PCDHGB3: variants seen among roughly 807,000 people sequenced by gnomAD.
The protein encoded by PCDHGB3 is protocadherin gamma subfamily B, 3.
Under a neutral mutation model 59.2 loss-of-function variants are expected in PCDHGB3, and 40 were observed. The ratio of observed to expected loss-of-function variants is 0.68; its 90% CI spans 0.52 to 0.88. The LOEUF is 0.88. Ranked by LOEUF, PCDHGB3 falls within the 40% of genes least tolerant of loss-of-function variation. PCDHGB3 has a pLI of 0.00. For missense variants in PCDHGB3, 1,309 were observed against 1,187.9 expected, an observed-to-expected ratio of 1.10 and a Z score of -1.50; for synonymous variants, 581 against 503.6, an observed-to-expected ratio of 1.15 and a Z score of -2.06.
At chr5:141,428,184 C>A in intron 1 of PCDHGB3, 32 of 1,463,670 alleles carry the variant, frequency 2.2e-5, no homozygotes, top group Non-Finnish European at 3.0e-5. Context: ...GGAGGACAGC[C>A]GCCGCTCTCT....
chr5:141,511,304 CTTGGGAAA>C lies in PCDHGB3; in HGVS notation c.*132_*139del. ...TGGTAGGGGCCAAGGCCATGCTCCC[CTTGGGAAA>C]CAGAAACAAGTGCCCAGTCAGCACC... is the stretch of plus-strand genomic sequence containing the variant. On this transcript the variant is annotated 3_prime_UTR_variant, in exon 4 of 4. Transcript: ENST00000576222. The C allele has an allele frequency of 2.0e-6, 3 of 1,490,438 alleles. No individual in the cohort carries two copies. The South Asian group carries it at 4.0e-5, about 20-fold the overall frequency. 92.3% of individuals were successfully genotyped at this position (1,490,438 alleles called of 1,614,324 possible). A position where few individuals can be genotyped will look rare whatever the true frequency, so the allele number is the denominator to read the frequency against.
chr5:141,484,949 A>C, intron 1 of PCDHGB3: 1 of 557,400 alleles, frequency 1.8e-6, no homozygotes, highest in Non-Finnish European at 3.2e-6. Context: ...TGCTCAGCCT[A>C]TTGGCTGAGC....
intron 1 of PCDHGB3, chr5:141,423,314 T>C: frequency 6.2e-7 from 1 of 1,614,178 alleles, no homozygotes; most frequent in Non-Finnish European, 8.5e-7. Context: ...TACTTGGTGG[T>C]GGCGGTGGCC....
At chr5:141,483,207 A>G (rs1225621725) in intron 1 of PCDHGB3, among the ~76,000 whole-genome samples, 1 of 152,224 alleles carries the variant, frequency 6.6e-6, no homozygotes, top group African/African-American at 2.4e-5. Context: ...TATTCCATAT[A>G]GATGACAGTC....
At chr5:141,383,850 G>T (rs893832219) in intron 1 of PCDHGB3, 2 of 1,613,808 alleles carry the variant, frequency 1.2e-6, no homozygotes, top group African/African-American at 2.7e-5. Context: ...TCTATGAAAT[G>T]GAGGTTCAGG....
Position 141,372,600 on chromosome 5 carries a change from G to C in PCDHGB3, c.2206G>C (p.Val736Leu), listed in dbSNP as rs770114948. ...TCAGCCTGGTGTCTGCTTCAAGACT[G>C]TACCTGGAGTTCTCCCCACCTACAG... ...YFQPGVCFKT[V>L]PGVLPTYSER... The change falls in exon 1 of 4, where the codon GTA becomes CTA. Residue 736 changes from valine (V) to leucine (L), a missense_variant. By Grantham distance (32) the Val-to-Leu change is conservative (BLOSUM62 1). Coordinates refer to ENST00000576222, the MANE Select transcript of PCDHGB3 (RefSeq NM_018924.5). 15 of 1,613,886 alleles carry C rather than the reference G, an allele frequency of 9.3e-6. No homozygotes were observed. Among genetic ancestry groups the C allele is most frequent in the South Asian group, 2.2e-5 (2 of 91,088 alleles).
chr5:141,408,752 G>A (rs780102602), intron 1 of PCDHGB3: 8 of 1,610,388 alleles, frequency 5.0e-6, no homozygotes, highest in Non-Finnish European at 5.9e-6. Flanking sequence ...AATGGTTAGA[G>A]TTAATTCCGA....
At chr5:141,385,495 T>G in intron 1 of PCDHGB3, 1 of 1,391,982 alleles carries the variant, frequency 7.2e-7, no homozygotes, top group Non-Finnish European at 9.3e-7. Flanking sequence ...ACATAGGATA[T>G]AGTATTTCTT....
chr5:141,390,264 G>C lies in PCDHGB3; in HGVS notation c.2415+17455G>C, dbSNP rs771554792. 18 of 1,614,004 alleles carry C rather than the reference G, an allele frequency of 1.1e-5. No individual in the cohort carries two copies. In the African/African-American group the frequency reaches 2.1e-4, roughly 19 times the overall value. Reference sequence around the variant, plus strand: ...CTTATTTCCACTTTGTAATTCCAGTGAATTGACTTCCCATCAGGTGAGTTT... The same window carrying C: ...CTTATTTCCACTTTGTAATTCCAGTCAATTGACTTCCCATCAGGTGAGTTT... On this transcript the variant is annotated intron_variant, in intron 1 of 3. Coordinates refer to ENST00000576222, the MANE Select transcript of PCDHGB3 (RefSeq NM_018924.5).
At chr5:141,439,737 A>T (rs947754447) in intron 1 of PCDHGB3, 4 of 152,382 alleles carry the variant, frequency 2.6e-5, no homozygotes, top group Non-Finnish European at 5.9e-5. Flanking sequence ...CAGGAACGGA[A>T]CGGATTTACA....
intron 1 of PCDHGB3, chr5:141,407,888 C>T (rs769893466): frequency 2.6e-6 from 1 of 388,626 alleles, no homozygotes; most frequent in Non-Finnish European, 4.6e-6. Flanking sequence ...TTTCGGAGAC[C>T]GAATTCAAAA....
intron 1 of PCDHGB3, chr5:141,413,000 A>G: frequency 1.7e-6 from 1 of 587,734 alleles, no homozygotes; most frequent in Admixed American, 3.6e-5. Context: ...CCGGATTCTC[A>G]GGGCTTCAAC....
chr5:141,414,620 A>G, intron 1 of PCDHGB3: 4 of 1,613,938 alleles, frequency 2.5e-6, no homozygotes, highest in Non-Finnish European at 3.4e-6. Flanking sequence ...ACAGCGCTGG[A>G]CCCGGACAGC....
Position 141,423,157 on chromosome 5 carries a change from G to C in PCDHGB3, c.2415+50348G>C, listed in dbSNP as rs527921011. The C allele has an allele frequency of 7.4e-6, 12 of 1,610,820 alleles. No homozygotes were observed. The South Asian group carries it at 1.2e-4, about 16-fold the overall frequency. ...CAGAGACGCGCTCAAGCAGAGCCTC[G>C]TGGTGGCCGTCCAGGACCACGGCCA... On this transcript the variant is annotated intron_variant, in intron 1 of 3. Coordinates refer to ENST00000576222, the MANE Select transcript of PCDHGB3 (RefSeq NM_018924.5).
chr5:141,420,335 A>G (rs2096490280), intron 1 of PCDHGB3: 1 of 1,403,918 alleles, frequency 7.1e-7, no homozygotes, highest in Non-Finnish European at 9.5e-7. Flanking sequence ...ATATTCCAAT[A>G]TAGTGGTATT....
rs575695102 is a variant in PCDHGB3 at position 141,421,063 on chromosome 5, G to C, written c.2415+48254G>C. 16 of 581,866 alleles carry C rather than the reference G, an allele frequency of 2.7e-5. No individual in the cohort carries two copies. The African/African-American group carries it at 2.9e-4, about 10-fold the overall frequency. 36.0% of individuals were successfully genotyped at this position (581,866 alleles called of 1,614,324 possible). A position where few individuals can be genotyped will look rare whatever the true frequency, so the allele number is the denominator to read the frequency against. ...CTCCCCCGCCTCTACCACACAAAGC[G>C]GAATGAGATGGATACTCACAGATCC... On this transcript the variant is annotated intron_variant, in intron 1 of 3. Coordinates refer to ENST00000576222, the MANE Select transcript of PCDHGB3 (RefSeq NM_018924.5).
chr5:141,422,338 A>C, intron 1 of PCDHGB3: 1 of 1,550,090 alleles, frequency 6.5e-7, no homozygotes, highest in Non-Finnish European at 8.7e-7. Flanking sequence ...TGCTCTTCTA[A>C]ATGTGCAAGA....
rs2099884159 is a variant in PCDHGB3 at position 141,512,278 on chromosome 5, G to A, written c.*1105G>A. 6.5e-6 allele frequency: 1 copy of A among 152,812 alleles called. No homozygotes were observed. Among genetic ancestry groups the A allele is most frequent in the Non-Finnish European group, 1.5e-5 (1 of 68,170 alleles). 9.5% of individuals were successfully genotyped at this position (152,812 alleles called of 1,614,324 possible). A position where few individuals can be genotyped will look rare whatever the true frequency, so the allele number is the denominator to read the frequency against. ...TGCTGGGTACTCCAGAGGTGCCACT[G>A]GTGGAAGGGTCAGCGGAGCCCCAGC... On this transcript the variant is annotated 3_prime_UTR_variant, in exon 4 of 4. Coordinates refer to ENST00000576222, the MANE Select transcript of PCDHGB3 (RefSeq NM_018924.5).
chr5:141,465,759 A>G (rs2099108647), intron 1 of PCDHGB3, among the ~76,000 whole-genome samples: 2 of 151,280 alleles, frequency 1.3e-5, no homozygotes, highest in South Asian at 4.2e-4. Context: ...TGGTAAAGTC[A>G]TGTTTCATCT....
Sources: gnomAD v4.1 joint callset for allele counts (sites outside exome capture counted in the v4.1 genomes callset) on GRCh38, gnomAD v4.1.1 for gene constraint, MANE v1.5 for transcripts, NCBI Gene and HGNC (gene_info 2026-07-23, HGNC 2026-07-21) for gene names.